The following WASF1 variants were observed in gnomAD, a reference collection of about 807,000 sequenced individuals.
WASF1 encodes actin-binding protein WASF1.
In WASF1, 7 loss-of-function variants were observed where a neutral mutation model predicts 50.5. That is an observed-to-expected ratio of 0.14 (90% CI 0.08 to 0.26). WASF1 has a LOEUF of 0.26. Among genes scored for constraint, WASF1 ranks in the 10% least tolerant of loss-of-function variants. WASF1 has a pLI of 1.00. For synonymous variants in WASF1, 205 were observed against 244.0 expected, an observed-to-expected ratio of 0.84 and a Z score of 1.49; for missense variants, 470 against 694.7, an observed-to-expected ratio of 0.68 and a Z score of 3.64.
chr6:110,163,654 C>T (rs773039977), intron 2 of WASF1, among the ~76,000 whole-genome samples: 25 of 151,554 alleles, frequency 1.6e-4, no homozygotes, highest in Non-Finnish European at 2.8e-4. Flanking sequence ...GATACCAGAT[C>T]TTCCCAACTT....
At chr6:110,124,226 CCTCTCTCTCCTCTCTCT>C in intron 4 of WASF1, among the ~76,000 whole-genome samples, 1 of 60,622 alleles carries the variant, frequency 1.6e-5, no homozygotes, top group African/African-American at 1.1e-4. Context: ...TCCTCTCTCT[CCTCTCTCTCCTCTCTCT>C]CTCTCTCTCT....
chr6:110,102,430 G>T (rs754474580), intron 9 of WASF1, among the ~76,000 whole-genome samples: 2 of 151,550 alleles, frequency 1.3e-5, no homozygotes, highest in Admixed American at 6.6e-5. Flanking sequence ...GCTTTGGTTT[G>T]TAATAGTCTA....
At chr6:110,119,154 ATG>A (rs1773962053) in intron 4 of WASF1, among the ~76,000 whole-genome samples, 1 of 152,200 alleles carries the variant, frequency 6.6e-6, no homozygotes, top group Non-Finnish European at 1.5e-5. Context: ...AAGAGCAAAC[ATG>A]TTCGAAAGCT....
chr6:110,109,055 C>CT (rs925207647), intron 5 of WASF1, among the ~76,000 whole-genome samples: 4 of 152,052 alleles, frequency 2.6e-5, no homozygotes, highest in African/African-American at 7.2e-5. Flanking sequence ...CCCTTTATTC[C>CT]TTTTTTTAGC....
chr6:110,148,022 T>C (rs1188449570), intron 3 of WASF1, among the ~76,000 whole-genome samples: 2 of 152,154 alleles, frequency 1.3e-5, no homozygotes, highest in East Asian at 1.9e-4. Flanking sequence ...GCTAGGATTA[T>C]AGACATGAGC....
chr6:110,111,048 T>C (rs2114471194), intron 5 of WASF1, among the ~76,000 whole-genome samples: 1 of 152,304 alleles, frequency 6.6e-6, no homozygotes, highest in East Asian at 1.9e-4. Flanking sequence ...ATTTATTTAC[T>C]GTTATCTGTA....
At chr6:110,152,040 C>A (rs1377947604) in intron 3 of WASF1, among the ~76,000 whole-genome samples, 1 of 152,110 alleles carries the variant, frequency 6.6e-6, no homozygotes, top group Non-Finnish European at 1.5e-5. Context: ...GATATCCAGT[C>A]CCTAGCACTA....
chr6:110,168,914 A>G (rs1398645302), intron 2 of WASF1, among the ~76,000 whole-genome samples: 1 of 152,014 alleles, frequency 6.6e-6, no homozygotes, highest in Non-Finnish European at 1.5e-5. Context: ...AAAACCATCA[A>G]CACACTTTTG....
At chr6:110,139,795 G>GT (rs965575227) in intron 3 of WASF1, among the ~76,000 whole-genome samples, 5 of 152,094 alleles carry the variant, frequency 3.3e-5, no homozygotes, top group African/African-American at 9.7e-5. Flanking sequence ...TATATACTAT[G>GT]TTTTTTCCTA....
intron 5 of WASF1, among the ~76,000 whole-genome samples, chr6:110,110,521 A>G (rs1183323750): frequency 9.2e-5 from 14 of 152,158 alleles, no homozygotes; most frequent in Non-Finnish European, 1.5e-5. Flanking sequence ...GTAAACTAAT[A>G]AGCATGATGT....
intron 3 of WASF1, among the ~76,000 whole-genome samples, chr6:110,128,321 C>A (rs1774504621): frequency 6.6e-6 from 1 of 152,236 alleles, no homozygotes; most frequent in East Asian, 1.9e-4. Flanking sequence ...TTTTTATTTA[C>A]TATAATAGGG....
intron 3 of WASF1, among the ~76,000 whole-genome samples, chr6:110,129,141 T>C (rs1486356521): frequency 2.0e-5 from 3 of 152,218 alleles, no homozygotes; most frequent in Admixed American, 2.0e-4. Flanking sequence ...TCAAAGTCAG[T>C]TGATGATTGG....
At chr6:110,146,297 T>C (rs1775557980) in intron 3 of WASF1, among the ~76,000 whole-genome samples, 1 of 152,134 alleles carries the variant, frequency 6.6e-6, no homozygotes, top group South Asian at 2.1e-4. Flanking sequence ...CAAATACTTA[T>C]TAAGAAATGT....
At chr6:110,112,189 T>C (rs1453360058) in intron 5 of WASF1, among the ~76,000 whole-genome samples, 1 of 152,096 alleles carries the variant, frequency 6.6e-6, no homozygotes, top group Non-Finnish European at 1.5e-5. Context: ...AGATCTATTA[T>C]ATAATTTGCA....
At chr6:110,119,462 C>A (rs985676377) in intron 4 of WASF1, among the ~76,000 whole-genome samples, 5 of 152,084 alleles carry the variant, frequency 3.3e-5, no homozygotes, top group African/African-American at 4.8e-5. Context: ...AATTCCTGGA[C>A]ACATACACCC....
chr6:110,161,009 A>G (rs1397636347), intron 2 of WASF1, among the ~76,000 whole-genome samples: 1 of 151,580 alleles, frequency 6.6e-6, no homozygotes, highest in Non-Finnish European at 1.5e-5. Context: ...ACATTTTTTC[A>G]TTAAAAAAAA....
intron 3 of WASF1, among the ~76,000 whole-genome samples, chr6:110,137,334 AT>A (rs1269359472): frequency 6.6e-6 from 1 of 152,210 alleles, no homozygotes; most frequent in African/African-American, 2.4e-5. Context: ...ATCAAGCCTT[AT>A]TAATTCTAAA....
In WASF1 at chr6:110,108,533, A is replaced by G; in HGVS notation, c.417T>C (p.Pro139=). ...CTATTTATTAACCTACCTACCTATA[A>G]GGAGTGAGTATATTGAGAGGTGGAG... ...EQPPPLNILT[P]YRDDGKEGLK... Residue 139 remains proline (P), a synonymous_variant, in exon 6 of 11, where the codon CCT becomes CCC. Transcript: ENST00000392589. 2.5e-6 allele frequency: 4 copies of G among 1,611,600 alleles called. No homozygotes were observed. Among genetic ancestry groups the G allele is most frequent in the Non-Finnish European group, 3.4e-6 (4 of 1,178,664 alleles).
Position 110,134,015 on chromosome 6 carries a change from G to A in WASF1, c.-28-6386C>T, listed in dbSNP as rs1184578774. ...TTTTATTTTTTTGAGACAGAATCTC[G>A]CTCTGTTGCCCAAGGTGGAGAGCAG... On this transcript the variant is annotated intron_variant, in intron 3 of 10. Coordinates refer to ENST00000392589, the MANE Select transcript of WASF1 (RefSeq NM_003931.3). 3.3e-5 allele frequency among the ~76,000 whole-genome samples: 5 copies of A among 152,088 alleles called. No homozygotes were observed. In the South Asian group the frequency reaches 8.3e-4, roughly 25 times the overall value.
Sources: allele counts gnomAD v4.1 joint callset (sites outside exome capture counted in the v4.1 genomes callset), GRCh38; gene constraint gnomAD v4.1.1; transcripts MANE v1.5; gene names NCBI Gene and HGNC (gene_info 2026-07-23, HGNC 2026-07-21).